Variants in IARS1 observed in about 807,000 individuals in gnomAD.
IARS1 encodes isoleucine--tRNA ligase, cytoplasmic.
A neutral mutation model predicts 168.2 loss-of-function variants in IARS1; 124 were observed. The ratio of observed to expected loss-of-function variants is 0.74; its 90% CI spans 0.64 to 0.86. The LOEUF (loss-of-function observed/expected upper bound fraction) is 0.86, where lower values mean the gene tolerates loss of function less well. Among genes scored for constraint, IARS1 ranks in the 40% least tolerant of loss-of-function variants. The probability of loss-of-function intolerance (pLI) is 0.00; values close to 1 mark genes in which losing one functional copy is unlikely to be tolerated. For missense variants in IARS1, 1,452 were observed against 1,515.8 expected (o/e 0.96, Z 0.70); for synonymous variants, 532 against 529.4 (o/e 1.00, Z -0.07).
chr9:92,287,737 G>A, intron 4 of IARS1, 54 bp downstream of exon 4: 1 of 1,552,564 alleles, frequency 6.4e-7, no homozygotes, highest in Non-Finnish European at 8.7e-7. Context: ...CCATTTCAAT[G>A]CCCATTTAGT....
chr9:92,240,566 T>C (rs943888310), intron 30 of IARS1: 1 of 643,732 alleles, frequency 1.6e-6, no homozygotes, highest in Non-Finnish European at 2.8e-6. Context: ...GGCCCTTTTT[T>C]TTTTTTTAAT....
intron 31 of IARS1, 104 bp from the exon 32 acceptor site, chr9:92,223,593 CTTTCCACTTAATTTCTG>C (rs2133412063): frequency 1.1e-6 from 1 of 884,286 alleles, no homozygotes; most frequent in East Asian, 2.6e-5. Context: ...TACGATAATG[CTTTCCACTTAATTTCTG>C]TTTATCAAGA....
chr9:92,250,234 T>G lies in IARS1; in HGVS notation c.2485A>C (p.Ile829Leu). The change falls in exon 24 of 34, where the codon ATT becomes CTT. Residue 829 changes from isoleucine (I) to leucine (L), a missense_variant. Coordinates refer to ENST00000443024, the MANE Select transcript of IARS1 (RefSeq NM_002161.6). Reference sequence around the variant, plus strand: ...TCTCTGATCACTCTTCCAAGTTCAATCACAGACTGCATCTGAGATACTGCA... The same window carrying G: ...TCTCTGATCACTCTTCCAAGTTCAAGCACAGACTGCATCTGAGATACTGCA... The part of the protein sequence containing the change: ...ESAVSQMQSV[I>L]ELGRVIRDRK... The G allele has an allele frequency of 6.2e-7, 1 of 1,613,396 alleles. No homozygotes were observed. The highest frequency in any genetic ancestry group is 8.5e-7 in the Non-Finnish European group (1 of 1,179,336).
chr9:92,277,729 T>C lies in IARS1; in HGVS notation c.894+134A>G, dbSNP rs113406719. On this transcript the variant is annotated intron_variant, in intron 9 of 33. Coordinates refer to ENST00000443024, the MANE Select transcript of IARS1 (RefSeq NM_002161.6). ...AGAAAGCTACACAAACAATTTAATT[T>C]TGTTGGTACTAAAGCAGACTTTCTG... is the stretch of plus-strand genomic sequence containing the variant. 1,337 of 630,900 alleles carry C rather than the reference T, an allele frequency of 2.1e-3. 10 individuals are homozygous for C. In the African/African-American group the frequency reaches 0.021, roughly 10 times the overall value. 39.1% of individuals were successfully genotyped at this position (630,900 alleles called of 1,614,324 possible).
At chr9:92,242,533 G>A (rs1207652456) in intron 28 of IARS1, 7 of 549,672 alleles carry the variant, frequency 1.3e-5, no homozygotes, top group Admixed American at 6.8e-5. Context: ...CACTCTTTGG[G>A]GGATAGGGCA....
At chr9:92,272,797 G>A (rs1833241925) in intron 10 of IARS1, among the ~76,000 whole-genome samples, 2 of 147,804 alleles carry the variant, frequency 1.4e-5, no homozygotes, top group African/African-American at 4.9e-5. Flanking sequence ...GTTGCCGTGA[G>A]CCAAGATTGC....
intron 10 of IARS1, among the ~76,000 whole-genome samples, chr9:92,272,870 A>C (rs573298896): frequency 0.35 from 50,972 of 146,814 alleles, 10,868 homozygotes; most frequent in African/African-American, 0.62. Flanking sequence ...AAAACAAAAA[A>C]AAAAAAAAAA....
chr9:92,276,755 T>C (rs1185187218), intron 9 of IARS1, among the ~76,000 whole-genome samples: 1 of 152,232 alleles, frequency 6.6e-6, no homozygotes, highest in African/African-American at 2.4e-5. Context: ...CTGCTCATTA[T>C]CTCATTTCAA....
At chr9:92,224,153 G>A (rs184724018) in intron 31 of IARS1, among the ~76,000 whole-genome samples, 4 of 152,342 alleles carry the variant, frequency 2.6e-5, no homozygotes, top group Non-Finnish European at 5.9e-5. Context: ...GTGTGGCCTT[G>A]TAGGAAGTCT....
intron 33 of IARS1, among the ~76,000 whole-genome samples, chr9:92,215,033 T>C (rs1267803452): frequency 2.6e-4 from 39 of 152,276 alleles, no homozygotes; most frequent in Non-Finnish European, 5.3e-4. Flanking sequence ...TCTGACAGCT[T>C]TGAAGAGAGC....
In IARS1 at chr9:92,263,030, T is replaced by C; in HGVS notation, c.1726A>G (p.Thr576Ala). 1 of 1,614,066 alleles carries C rather than the reference T, an allele frequency of 6.2e-7. No individual in the cohort carries two copies. Among genetic ancestry groups the C allele is most frequent in the Non-Finnish European group, 8.5e-7 (1 of 1,179,954 alleles). The change falls in exon 17 of 34, where the codon ACG (threonine) becomes GCG (alanine). Residue 576 changes from threonine (T) to alanine (A), a missense_variant. Thr to Ala is a moderately conservative substitution (Grantham distance 58). Transcript: ENST00000443024. ...AAAGGCGGTTGTCCAAAGAGGGCCGTGGCCAGCACCAGCAGGGTATAAAAC... is the reference window on the plus strand; with the variant it reads ...AAAGGCGGTTGTCCAAAGAGGGCCGCGGCCAGCACCAGCAGGGTATAAAAC... ...GWFYTLLVLA[T>A]ALFGQPPFKN...
intron 7 of IARS1, among the ~76,000 whole-genome samples, chr9:92,280,234 C>T (rs533660884): frequency 2.0e-5 from 3 of 152,314 alleles, no homozygotes; most frequent in Admixed American, 6.5e-5. Flanking sequence ...AGCAGCTGTG[C>T]CATAGCTTTT....
intron 31 of IARS1, among the ~76,000 whole-genome samples, chr9:92,227,439 C>T: frequency 7.2e-6 from 1 of 138,074 alleles, no homozygotes; most frequent in African/African-American, 2.8e-5. Flanking sequence ...GGGGGGCTGA[C>T]CCCCCCACCT....
Position 92,284,565 on chromosome 9 carries a change from T to C in IARS1, c.597+1157A>G, listed in dbSNP as rs574921499. Among the ~76,000 whole-genome samples the C allele has an allele frequency of 3.2e-4, 48 of 152,192 alleles. No homozygotes were observed. In the South Asian group the frequency reaches 3.5e-3, roughly 11 times the overall value. On this transcript the variant is annotated intron_variant, in intron 6 of 33. Transcript: ENST00000443024. ...ACTTTGGGAGGCCAAGGTGGGTGGA[T>C]CGCAAGGTCAGGAGTTCAAGACCAG...
At chr9:92,292,685 G>C (rs374203132) in intron 1 of IARS1, 6 of 153,462 alleles carry the variant, frequency 3.9e-5, no homozygotes, top group African/African-American at 9.8e-5. Context: ...CCAGGCCCTT[G>C]ACTCTTCGCT....
At chr9:92,275,809 A>G (rs1833701737) in intron 9 of IARS1, among the ~76,000 whole-genome samples, 1 of 152,256 alleles carries the variant, frequency 6.6e-6, no homozygotes, top group Non-Finnish European at 1.5e-5. Context: ...TATTTCAGTG[A>G]ACATCAGATG....
At position 92,289,386 on chromosome 9, in the gene IARS1, G is replaced by T; in HGVS notation, c.34C>A (p.Pro12Thr). The T allele has an allele frequency of 6.3e-7, 1 of 1,582,664 alleles. No individual in the cohort carries two copies. Among genetic ancestry groups the T allele is most frequent in the South Asian group, 1.1e-5 (1 of 89,894 alleles). The change falls in exon 2 of 34, where the codon CCT becomes ACT. Residue 12 changes from proline (P) to threonine (T), a missense_variant. Transcript: ENST00000443024. ...LQQVPENINF[P>T]AEEEKILEFW... ...TCCAAGATTTTCTCTTCTTCAGCAGGAAAATTTATGTTTTCTGGAACTTGT... is the reference window on the plus strand; with the variant it reads ...TCCAAGATTTTCTCTTCTTCAGCAGTAAAATTTATGTTTTCTGGAACTTGT...
intron 31 of IARS1, among the ~76,000 whole-genome samples, chr9:92,225,050 T>C (rs892893345): frequency 3.9e-5 from 6 of 152,148 alleles, no homozygotes; most frequent in African/African-American, 1.4e-4. Flanking sequence ...CGGGAACCAT[T>C]ACTTGAGCTT....
chr9:92,289,275 G>T, intron 2 of IARS1, 26 bp downstream of exon 2: 1 of 911,180 alleles, frequency 1.1e-6, no homozygotes, highest in South Asian at 1.4e-5. Flanking sequence ...ATTCTTAAGG[G>T]AACTTAACCT....
Sources: gnomAD v4.1 joint callset for allele counts (sites outside exome capture counted in the v4.1 genomes callset) on GRCh38, gnomAD v4.1.1 for gene constraint, MANE v1.5 for transcripts, NCBI Gene and HGNC (gene_info 2026-07-23, HGNC 2026-07-21) for gene names.